The following FBXO15 variants were observed in gnomAD, a reference collection of about 807,000 sequenced individuals.
FBXO15 encodes the protein F-box protein 15, also known as F-box only protein 15.
A neutral mutation model predicts 49.5 loss-of-function variants in FBXO15; 30 were observed. That is an observed-to-expected ratio of 0.61 (90% CI 0.45 to 0.82). The LOEUF (loss-of-function observed/expected upper bound fraction) is 0.82, where lower values mean the gene tolerates loss of function less well. Ranked by LOEUF, FBXO15 falls within the 40% of genes least tolerant of loss-of-function variation. The pLI, the probability that FBXO15 is intolerant of heterozygous loss-of-function variation, is 0.00. For missense variants in FBXO15, 591 were observed against 631.5 expected, an observed-to-expected ratio of 0.94 and a Z score of 0.69; for synonymous variants, 250 against 232.7, an observed-to-expected ratio of 1.07 and a Z score of -0.68.
intron 8 of FBXO15, among the ~76,000 whole-genome samples, chr18:74,122,173 C>T (rs1185294692): frequency 6.6e-6 from 1 of 152,198 alleles, no homozygotes; most frequent in Non-Finnish European, 1.5e-5. Context: ...TCCCAGAATC[C>T]ACTCCCTACA....
chr18:74,137,907 T>C (rs1032508112), intron 2 of FBXO15, among the ~76,000 whole-genome samples: 2 of 152,222 alleles, frequency 1.3e-5, no homozygotes, highest in Non-Finnish European at 2.9e-5. Context: ...TGCTTCATAT[T>C]GTGGATCTAT....
At chr18:74,123,204 G>C in intron 8 of FBXO15, 164 bp downstream of exon 8, 1 of 690,246 alleles carries the variant, frequency 1.4e-6, no homozygotes, top group Non-Finnish European at 2.4e-6. Flanking sequence ...TCGGTCCAGT[G>C]AGGACTTTCA....
rs758709331 is a variant in FBXO15 at position 74,129,514 on chromosome 18, C to A, written c.676G>T (p.Val226Phe). Residue 226 changes from valine (V) to phenylalanine (F), a missense_variant, in exon 5 of 10, where the codon GTT becomes TTT. By Grantham distance (50) the Val-to-Phe change is conservative. Transcript: ENST00000419743. Reference protein sequence around the residue: ...DLSINDTSVTVIWYGKKWPCL... With the variant: ...DLSINDTSVTFIWYGKKWPCL... ...GGCCATTTTTTGCCATACCATATAA[C>A]AGTAACTGATGTGTCATTTATGGAA... 1 of 1,613,708 alleles carries A rather than the reference C, an allele frequency of 6.2e-7. No individual in the cohort carries two copies. The highest frequency in any genetic ancestry group is 1.3e-5 in the African/African-American group (1 of 74,884).
In FBXO15 at chr18:74,112,473, A is replaced by G. The variant is rs567439895; in HGVS notation, c.1138+10895T>C. On this transcript the variant is annotated intron_variant, in intron 8 of 9. Coordinates refer to ENST00000419743, the MANE Select transcript of FBXO15 (RefSeq NM_001142958.2). ...ATACACACAGAAACAGCATTCAACA[A>G]AATCCAGGAAAAAAACAGGAATACA... Among the ~76,000 whole-genome samples the G allele has an allele frequency of 2.0e-5, 3 of 152,312 alleles. No individual in the cohort carries two copies. In the South Asian group the frequency reaches 6.2e-4, roughly 32 times the overall value.
At position 74,124,606 on chromosome 18, in the gene FBXO15, C is replaced by T. The variant is rs761997900; in HGVS notation, c.913-35G>A. 3 of 1,562,406 alleles carry T rather than the reference C, an allele frequency of 1.9e-6. No individual in the cohort carries two copies. The South Asian group carries it at 3.3e-5, about 17-fold the overall frequency. On this transcript the variant is annotated intron_variant, in intron 6 of 9. Coordinates refer to ENST00000419743, the MANE Select transcript of FBXO15 (RefSeq NM_001142958.2). ...TAATTGAGAAGAATACATATTTCAACCAAAATGCTTACATTTTTCACAAGA... is the reference window on the plus strand; with the variant it reads ...TAATTGAGAAGAATACATATTTCAATCAAAATGCTTACATTTTTCACAAGA...
intron 8 of FBXO15, among the ~76,000 whole-genome samples, chr18:74,122,285 T>C (rs1376402050): frequency 6.6e-6 from 1 of 152,238 alleles, no homozygotes; most frequent in Non-Finnish European, 1.5e-5. Flanking sequence ...AAGCTTTTCC[T>C]TTCTCAAAAA....
At position 74,140,136 on chromosome 18, in the gene FBXO15, A is replaced by G. The variant is rs1978974764; in HGVS notation, c.227+66T>C. Reference sequence around the variant, plus strand: ...ATAGCAACTTGGTATATACAGCATCATAACTTTCTCTAATAACCCCATGCC... The same window carrying G: ...ATAGCAACTTGGTATATACAGCATCGTAACTTTCTCTAATAACCCCATGCC... On this transcript the variant is annotated intron_variant, in intron 2 of 9. Transcript: ENST00000419743. 3.7e-6 allele frequency: 5 copies of G among 1,366,140 alleles called. No individual in the cohort carries two copies. In the East Asian group the frequency reaches 1.0e-4, roughly 27 times the overall value. The allele number at this position is 1,366,140 out of a possible 1,614,324, so 84.6% of individuals were successfully genotyped here.
At chr18:74,126,236 G>T in intron 5 of FBXO15, 135 bp from the exon 6 acceptor site, 1 of 1,184,956 alleles carries the variant, frequency 8.4e-7, no homozygotes, top group Non-Finnish European at 1.2e-6. Context: ...TGGCATGTTG[G>T]CAGGGTGAGG....
intron 1 of FBXO15, among the ~76,000 whole-genome samples, chr18:74,142,788 C>T (rs1246456054): frequency 6.6e-6 from 1 of 152,074 alleles, no homozygotes; most frequent in Non-Finnish European, 1.5e-5. Context: ...TCCAGAAGGA[C>T]ATAAATAACT....
rs777780395 is a variant in FBXO15, at chr18:74,130,577, A to G, written c.414T>C (p.Ala138=). 1.2e-6 allele frequency: 2 copies of G among 1,614,206 alleles called. No homozygotes were observed. The highest frequency in any genetic ancestry group is 1.7e-5 in the Admixed American group (1 of 60,028). Reference sequence around the variant, plus strand: ...GAACTGACAGAAAGCTCATAGACATAGCTATCTTCTCTACTGAATTAAATT... The same window carrying G: ...GAACTGACAGAAAGCTCATAGACATGGCTATCTTCTCTACTGAATTAAATT... ...NWKFNSVEKI[A]MSMSFLSVQD... The change falls in exon 4 of 10, where the codon GCT becomes GCC. Residue 138 remains alanine, a synonymous_variant. Coordinates refer to ENST00000419743, the MANE Select transcript of FBXO15 (RefSeq NM_001142958.2).
In FBXO15 at chr18:74,147,738, G is replaced by A; in HGVS notation, c.48C>T (p.Leu16=). The A allele has an allele frequency of 6.5e-7, 1 of 1,536,856 alleles. No homozygotes were observed. Among genetic ancestry groups the A allele is most frequent in the Non-Finnish European group, 8.7e-7 (1 of 1,143,406 alleles). ...GRILQQHWLG[L]QTLRGPSRGG... The stretch of plus-strand genomic sequence containing the variant: ...CCCTGCTGGGCCCGCGCAGCGTCTG[G>A]AGGCCGAGCCAGTGCTGCTGCAAGA... Residue 16 remains leucine (L), a synonymous_variant, in exon 1 of 10, where the codon CTC becomes CTT. Coordinates refer to ENST00000419743, the MANE Select transcript of FBXO15 (RefSeq NM_001142958.2).
intron 9 of FBXO15, 143 bp from the exon 10 acceptor site, chr18:74,073,873 A>G (rs1175977755): frequency 9.9e-7 from 1 of 1,013,466 alleles, no homozygotes. Flanking sequence ...TTCATGGCCT[A>G]CTTCATAACC....
At chr18:74,147,500 T>C in intron 1 of FBXO15, 170 bp downstream of exon 1, 1 of 1,240,134 alleles carries the variant, frequency 8.1e-7, no homozygotes, top group Non-Finnish European at 1.0e-6. Flanking sequence ...GTACCCCACG[T>C]TGCAGGGTAG....
At chr18:74,120,165 A>T (rs1914413507) in intron 8 of FBXO15, among the ~76,000 whole-genome samples, 1 of 152,240 alleles carries the variant, frequency 6.6e-6, no homozygotes, top group Admixed American at 6.5e-5. Context: ...CATAGTCTCC[A>T]GTGTTCATGA....
intron 8 of FBXO15, among the ~76,000 whole-genome samples, chr18:74,100,546 T>C (rs1339913382): frequency 1.3e-5 from 2 of 150,860 alleles, no homozygotes; most frequent in African/African-American, 4.9e-5. Context: ...CTCGGCAGAA[T>C]AAAGGAAATA....
intron 5 of FBXO15, among the ~76,000 whole-genome samples, chr18:74,128,491 T>A (rs191351125): frequency 3.0e-4 from 46 of 152,180 alleles, no homozygotes; most frequent in African/African-American, 9.9e-4. Flanking sequence ...GCAAGGATGG[T>A]AAGAAAACGA....
At chr18:74,126,772 T>C (rs181818759) in intron 5 of FBXO15, among the ~76,000 whole-genome samples, 8 of 152,304 alleles carry the variant, frequency 5.3e-5, no homozygotes, top group African/African-American at 1.9e-4. Flanking sequence ...GTACATTAAA[T>C]AAATAAGTTA....
intron 7 of FBXO15, among the ~76,000 whole-genome samples, chr18:74,123,992 A>T (rs1422752938): frequency 2.9e-5 from 4 of 135,828 alleles, no homozygotes; most frequent in Admixed American, 7.2e-5. Context: ...TCAGGTAATT[A>T]AAAAAAAAAA....
intron 8 of FBXO15, among the ~76,000 whole-genome samples, chr18:74,093,591 A>G (rs115892256): frequency 3.6e-4 from 55 of 152,326 alleles, no homozygotes; most frequent in African/African-American, 1.3e-3. Context: ...GCTCATCTGT[A>G]AGAAGCAACT....
Sources: gnomAD v4.1 joint callset for allele counts (sites outside exome capture counted in the v4.1 genomes callset) on GRCh38, gnomAD v4.1.1 for gene constraint, MANE v1.5 for transcripts, NCBI Gene and HGNC (gene_info 2026-07-23, HGNC 2026-07-21) for gene names.